Variants in RYR2 observed in about 807,000 individuals in gnomAD.
The protein encoded by RYR2 is ryanodine receptor 2.
In RYR2, 227 loss-of-function variants were observed where a neutral mutation model predicts 601.1. That is an observed-to-expected ratio of 0.38 (90% CI 0.34 to 0.42). The LOEUF is 0.42. Ranked by LOEUF, RYR2 falls within the 10% of genes least tolerant of loss-of-function variation. The pLI is 1.00. For missense variants in RYR2, 4,646 were observed against 6,156.5 expected (o/e 0.75, Z 8.21); for synonymous variants, 2,223 against 2,175.1 (o/e 1.02, Z -0.61).
At chr1:237,267,893 T>G (rs1319042214) in intron 1 of RYR2, among the ~76,000 whole-genome samples, 1 of 152,232 alleles carries the variant, frequency 6.6e-6, no homozygotes, top group Non-Finnish European at 1.5e-5. Context: ...ATAAGCCCTC[T>G]GTGAGTAACA....
intron 1 of RYR2, among the ~76,000 whole-genome samples, chr1:237,218,556 T>C (rs748159844): frequency 7.9e-5 from 12 of 152,212 alleles, no homozygotes; most frequent in Non-Finnish European, 1.3e-4. Context: ...GCTTTTAATA[T>C]AATTTTTTGC....
At chr1:237,174,248 G>T (rs1003115446) in intron 1 of RYR2, among the ~76,000 whole-genome samples, 2 of 152,042 alleles carry the variant, frequency 1.3e-5, no homozygotes, top group Admixed American at 1.3e-4. Context: ...ATAATAAATC[G>T]GTGTGGCAGA....
chr1:237,220,811 G>A (rs1683721263), intron 1 of RYR2, among the ~76,000 whole-genome samples: 1 of 152,160 alleles, frequency 6.6e-6, no homozygotes. Flanking sequence ...AGTCCAGTAT[G>A]TCAAAGTCTA....
In RYR2 at chr1:237,650,213, C is replaced by G. The variant is rs548403105; in HGVS notation, c.7733+116C>G. 2.3e-5 allele frequency: 22 copies of G among 965,548 alleles called. No homozygotes were observed. In the African/African-American group the frequency reaches 3.1e-4, roughly 14 times the overall value. The allele number at this position is 965,548 out of a possible 1,614,324, so 59.8% of individuals were successfully genotyped here. ...CATTTTCCATACCACAAATTTAATT[C>G]ATTTTAGGTAGTCCCATATACTGAG... On this transcript the variant is annotated intron_variant, in intron 50 of 104. Coordinates refer to ENST00000366574, the MANE Select transcript of RYR2 (RefSeq NM_001035.3).
intron 30 of RYR2, 62 bp from the exon 31 acceptor site, chr1:237,590,578 T>G (rs1165864245): frequency 3.6e-6 from 5 of 1,384,496 alleles, no homozygotes; most frequent in Non-Finnish European, 4.9e-6. Flanking sequence ...CTTAGTCATC[T>G]TTAGAATCAG....
intron 25 of RYR2, among the ~76,000 whole-genome samples, chr1:237,546,154 T>A (rs1484274903): frequency 6.6e-6 from 1 of 152,084 alleles, no homozygotes; most frequent in Admixed American, 6.6e-5. Flanking sequence ...CATGGCTTCT[T>A]TATTAAAAAA....
chr1:237,423,621 AC>A (rs34715306), intron 12 of RYR2, among the ~76,000 whole-genome samples: 34,961 of 152,068 alleles, frequency 0.23, 4,164 homozygotes, highest in African/African-American at 0.3. Context: ...TTCTTAAAAC[AC>A]ATCCATCCAG....
At chr1:237,318,655 A>G (rs1695328418) in intron 2 of RYR2, among the ~76,000 whole-genome samples, 1 of 152,110 alleles carries the variant, frequency 6.6e-6, no homozygotes, top group South Asian at 2.1e-4. Flanking sequence ...CTCTTTTGTC[A>G]GATGAAAAGT....
intron 3 of RYR2, among the ~76,000 whole-genome samples, chr1:237,350,707 A>G (rs1299863372): frequency 2.0e-5 from 3 of 147,952 alleles, no homozygotes; most frequent in Admixed American, 6.8e-5. Context: ...CCTATGTTAA[A>G]AAAAGTCAGT....
intron 1 of RYR2, among the ~76,000 whole-genome samples, chr1:237,094,323 C>T (rs1667274212): frequency 6.6e-6 from 1 of 152,186 alleles, no homozygotes; most frequent in Non-Finnish European, 1.5e-5. Flanking sequence ...CTTCCTCTTT[C>T]TGTAGGATCT....
intron 99 of RYR2, among the ~76,000 whole-genome samples, 185 bp from the exon 100 acceptor site, chr1:237,808,716 G>A (rs1660933012): frequency 2.0e-5 from 3 of 151,354 alleles, no homozygotes; most frequent in African/African-American, 4.9e-5. Context: ...ACTTGATAAA[G>A]AGAATATGAA....
chr1:237,519,919 T>C (rs1329618452), intron 24 of RYR2, among the ~76,000 whole-genome samples: 4 of 141,544 alleles, frequency 2.8e-5, no homozygotes, highest in African/African-American at 9.9e-5. Flanking sequence ...GATCATGGGC[T>C]GTTTTTGTGT....
At chr1:237,468,333 GA>G (rs1660311864) in intron 16 of RYR2, among the ~76,000 whole-genome samples, 1 of 152,112 alleles carries the variant, frequency 6.6e-6, no homozygotes, top group Admixed American at 6.5e-5. Context: ...TAATGATTTT[GA>G]AAAATTAAAA....
At chr1:237,148,358 G>C (rs2485583) in intron 1 of RYR2, among the ~76,000 whole-genome samples, 62,854 of 150,972 alleles carry the variant, frequency 0.42, 15,879 homozygotes, top group Non-Finnish European at 0.55. Context: ...CTGTCGGGAG[G>C]GCTGGGGGAT....
intron 1 of RYR2, among the ~76,000 whole-genome samples, chr1:237,187,432 C>T (rs1437066452): frequency 3.7e-5 from 5 of 134,718 alleles, no homozygotes; most frequent in African/African-American, 1.1e-4. Context: ...TGAGCCAACA[C>T]GCCCGGCCGA....
Position 237,680,476 on chromosome 1 carries a change from T to G in RYR2, c.8916T>G (p.Asp2972Glu). 1 of 1,607,918 alleles carries G rather than the reference T, an allele frequency of 6.2e-7. No homozygotes were observed. Among genetic ancestry groups the G allele is most frequent in the Non-Finnish European group, 8.5e-7 (1 of 1,174,968 alleles). ...FFAKVVLPLI[D>E]QYFKNHRLYF... The stretch of plus-strand genomic sequence containing the variant: ...TTCAGGTCGTTCTTCCTTTAATTGA[T>G]CAGTATTTCAAAAACCATCGTTTAT... Residue 2972 changes from aspartate (D) to glutamate (E), a missense_variant, in exon 62 of 105, where the codon GAT becomes GAG. Asp to Glu is a conservative substitution (Grantham distance 45). This residue lies in a region of RYR2 where 1,497 missense variants were observed against 1,842.6 expected (regional missense o/e 0.81). Coordinates refer to ENST00000366574, the MANE Select transcript of RYR2 (RefSeq NM_001035.3).
chr1:237,219,302 G>A (rs1437687686), intron 1 of RYR2, among the ~76,000 whole-genome samples: 1 of 152,178 alleles, frequency 6.6e-6, no homozygotes, highest in African/African-American at 2.4e-5. Flanking sequence ...ACAGGCATGA[G>A]CCACTGCACC....
At chr1:237,098,387 ATGTGTGTGTG>A in intron 1 of RYR2, among the ~76,000 whole-genome samples, 1 of 47,382 alleles carries the variant, frequency 2.1e-5, no homozygotes, top group East Asian at 6.2e-4. Flanking sequence ...CATTGTGTGT[ATGTGTGTGTG>A]TGTGTGTGTG....
chr1:237,240,720 C>A (rs1268907300), intron 1 of RYR2, among the ~76,000 whole-genome samples: 1 of 137,208 alleles, frequency 7.3e-6, no homozygotes, highest in Non-Finnish European at 1.5e-5. Flanking sequence ...GTAGAGGATG[C>A]TCACATTGTT....
Sources: gnomAD v4.1 joint callset for allele counts (sites outside exome capture counted in the v4.1 genomes callset) on GRCh38, gnomAD v4.1.1 for gene constraint, gnomAD v4.1.1 regional missense constraint, MANE v1.5 for transcripts, NCBI Gene and HGNC (gene_info 2026-07-23, HGNC 2026-07-21) for gene names.